The following PIAS2 variants were observed in gnomAD, a reference collection of about 807,000 sequenced individuals.
PIAS2 encodes protein inhibitor of activated STAT 2, also known as E3 SUMO-protein ligase PIAS2.
A neutral mutation model predicts 69.7 loss-of-function variants in PIAS2; 19 were observed. That is an observed-to-expected ratio of 0.27 (90% CI 0.19 to 0.40). The LOEUF is 0.40. PIAS2 is among the 10% of genes least tolerant of loss of function. The pLI, the probability that PIAS2 is intolerant of heterozygous loss-of-function variation, is 1.00. For synonymous variants in PIAS2, 261 were observed against 263.2 expected, an observed-to-expected ratio of 0.99 and a Z score of 0.08; for missense variants, 624 against 757.0, an observed-to-expected ratio of 0.82 and a Z score of 2.06.
Position 46,855,318 on chromosome 18 carries a change from A to C in PIAS2, c.726+27T>G, listed in dbSNP as rs777574590. 2.8e-6 allele frequency: 4 copies of C among 1,433,472 alleles called. No homozygotes were observed. In the Admixed American group the frequency reaches 7.4e-5, roughly 26 times the overall value. The allele number at this position is 1,433,472 out of a possible 1,614,324, so 88.8% of individuals were successfully genotyped here. On this transcript the variant is annotated intron_variant, in intron 5 of 13. Transcript: ENST00000585916. ...CAGTGTTTATATTAAACTTATATGC[A>C]AATCTGGTGAATAAAAAGCAACTTA...
intron 8 of PIAS2, among the ~76,000 whole-genome samples, chr18:46,840,609 C>A (rs1471995666): frequency 6.6e-6 from 1 of 152,020 alleles, no homozygotes; most frequent in Middle Eastern, 3.2e-3. Context: ...AGTTGCTGAC[C>A]CTAAATTTAA....
chr18:46,829,862 A>G lies in PIAS2; in HGVS notation c.1208T>C (p.Phe403Ser). The change falls in exon 10 of 14, where the codon TTT becomes TCT. Residue 403 changes from phenylalanine (F) to serine (S), a missense_variant. Phe to Ser is a radical substitution (Grantham distance 155, BLOSUM62 -2). Transcript: ENST00000585916. ...AGAACAGTCATTGAGAATTTCCATA[A>G]AAAGCCTAAAAAACAATTAAGAAGT... Reference protein sequence around the residue: ...AYESLILDGLFMEILNDCSDV... With the variant: ...AYESLILDGLSMEILNDCSDV... The G allele has an allele frequency of 1.9e-6, 3 of 1,610,548 alleles. No homozygotes were observed. The highest frequency in any genetic ancestry group is 2.5e-6 in the Non-Finnish European group (3 of 1,178,786).
At chr18:46,827,870 T>C in intron 11 of PIAS2, 89 bp downstream of exon 11, 3 of 1,145,204 alleles carry the variant, frequency 2.6e-6, no homozygotes, top group Admixed American at 2.2e-5. Flanking sequence ...TCTACAGTTA[T>C]GCCATTTCCC....
chr18:46,901,454 G>A (rs1421577323), intron 1 of PIAS2, among the ~76,000 whole-genome samples: 1 of 152,088 alleles, frequency 6.6e-6, no homozygotes, highest in African/African-American at 2.4e-5. Flanking sequence ...GAATATAGAC[G>A]TTAAAACCCT....
At chr18:46,842,457 T>C (rs1046168728) in intron 8 of PIAS2, among the ~76,000 whole-genome samples, 1 of 152,114 alleles carries the variant, frequency 6.6e-6, no homozygotes, top group African/African-American at 2.4e-5. Context: ...GTAGACTTTC[T>C]TCCTGATACA....
chr18:46,918,033 C>T (rs1236536087), upstream of PIAS2: 2 of 151,852 alleles, frequency 1.3e-5, no homozygotes, highest in Non-Finnish European at 2.9e-5. Flanking sequence ...TGAAGGGCAC[C>T]TGAAGGTCAC....
chr18:46,834,898 C>T (rs1407169134), intron 9 of PIAS2, among the ~76,000 whole-genome samples: 1 of 152,228 alleles, frequency 6.6e-6, no homozygotes, highest in Non-Finnish European at 1.5e-5. Flanking sequence ...AAATAGCTTA[C>T]TCCTCCTGGG....
In PIAS2 at chr18:46,810,957, C is replaced by T. The variant is rs1406690957; in HGVS notation, c.*1476G>A. The T allele has an allele frequency of 6.6e-6, 1 of 152,040 alleles. No individual in the cohort carries two copies. The highest frequency in any genetic ancestry group is 2.4e-5 in the African/African-American group (1 of 41,414). The allele number at this position is 152,040 out of a possible 1,614,324, so 9.4% of individuals were successfully genotyped here. ...AAGCTAAACAGAAAAGTACCAAATC[C>T]TTGTGAACTCAAAAATGATTTAGGA... On this transcript the variant is annotated 3_prime_UTR_variant, in exon 14 of 14. Coordinates refer to ENST00000585916, the MANE Select transcript of PIAS2 (RefSeq NM_004671.5).
chr18:46,880,388 A>AAAAC lies in PIAS2; in HGVS notation c.499+10191_499+10192insGTTT, dbSNP rs1568692207. ...AGAGACAGAGAGACCCTGTCTCAAA[A>AAAAC]AAAACAAAACAAAACAAAACAACTG... On this transcript the variant is annotated intron_variant, in intron 2 of 13. Coordinates refer to ENST00000585916, the MANE Select transcript of PIAS2 (RefSeq NM_004671.5). 1.8e-3 allele frequency among the ~76,000 whole-genome samples: 275 copies of AAAAC among 152,218 alleles called. 1 individual carries two copies. The highest frequency in any genetic ancestry group is 6.3e-3 in the African/African-American group (262 of 41,510).
chr18:46,813,834 G>A (rs1224230765), intron 13 of PIAS2, among the ~76,000 whole-genome samples: 3 of 152,170 alleles, frequency 2.0e-5, no homozygotes, highest in Admixed American at 6.5e-5. Flanking sequence ...GCCACATACA[G>A]AGTCAAGGGA....
At position 46,811,742 on chromosome 18, in the gene PIAS2, G is replaced by A. The variant is rs1396481979; in HGVS notation, c.*691C>T. 1 of 152,180 alleles carries A rather than the reference G, an allele frequency of 6.6e-6. No individual in the cohort carries two copies. Among genetic ancestry groups the A allele is most frequent in the Non-Finnish European group, 1.5e-5 (1 of 68,032 alleles). The allele number at this position is 152,180 out of a possible 1,614,324, so 9.4% of individuals were successfully genotyped here. A position where few individuals can be genotyped will look rare whatever the true frequency, so the allele number is the denominator to read the frequency against. ...GCTTTTAAACATAATCACCAATGAA[G>A]AGTAGCCAAATCCCAGAACTTCACA... On this transcript the variant is annotated 3_prime_UTR_variant, in exon 14 of 14. Coordinates refer to ENST00000585916, the MANE Select transcript of PIAS2 (RefSeq NM_004671.5).
chr18:46,824,444 C>T (rs1040348791), intron 11 of PIAS2, among the ~76,000 whole-genome samples: 6 of 152,060 alleles, frequency 3.9e-5, no homozygotes, highest in African/African-American at 1.4e-4. Flanking sequence ...TCAGAAGGGG[C>T]ACAATATGTA....
intron 12 of PIAS2, 131 bp downstream of exon 12, chr18:46,820,802 C>G (rs1330315559): frequency 2.8e-6 from 2 of 709,156 alleles, no homozygotes; most frequent in African/African-American, 3.6e-5. Flanking sequence ...CAGATAAGAC[C>G]TTTACCCGAA....
Position 46,827,978 on chromosome 18 carries a change from G to C in PIAS2, c.1489C>G (p.Gln497Glu). 1 of 1,613,742 alleles carries C rather than the reference G, an allele frequency of 6.2e-7. No individual in the cohort carries two copies. Among genetic ancestry groups the C allele is most frequent in the South Asian group, 1.1e-5 (1 of 91,058 alleles). The change falls in exon 11 of 14, where the codon CAA becomes GAA. Residue 497 changes from glutamine (Q) to glutamate (E), a missense_variant. Gln to Glu is a conservative substitution (Grantham distance 29). Coordinates refer to ENST00000585916, the MANE Select transcript of PIAS2 (RefSeq NM_004671.5). ...ACAAACCCTTTGGTTGGGCTGCTTTGTGTTTCTGACATAAAGATGCATTTC... is the reference window on the plus strand; with the variant it reads ...ACAAACCCTTTGGTTGGGCTGCTTTCTGTTTCTGACATAAAGATGCATTTC... ...KRKCIFMSET[Q>E]SSPTKGVLMY...
chr18:46,896,165 C>CAAAAAAAAAA (rs1199712335), intron 1 of PIAS2, among the ~76,000 whole-genome samples: 2 of 31,952 alleles, frequency 6.3e-5, no homozygotes, highest in African/African-American at 1.2e-4. Context: ...AAGAAAAAAG[C>CAAAAAAAAAA]AAAAAAAAAA....
chr18:46,887,034 C>T (rs765625752), intron 2 of PIAS2, among the ~76,000 whole-genome samples: 7 of 152,116 alleles, frequency 4.6e-5, no homozygotes. Context: ...GGAATTTAAA[C>T]TGGCACTAAA....
chr18:46,816,367 G>C, intron 12 of PIAS2: 1 of 969,716 alleles, frequency 1.0e-6, no homozygotes, highest in Non-Finnish European at 1.2e-6. Context: ...TCCAAATAAG[G>C]GTATTACAAA....
At chr18:46,813,638 G>A (rs1481805868) in intron 13 of PIAS2, among the ~76,000 whole-genome samples, 2 of 152,168 alleles carry the variant, frequency 1.3e-5, no homozygotes, top group African/African-American at 2.4e-5. Flanking sequence ...TATGGAACAG[G>A]AATTTAAGTC....
At chr18:46,827,906 A>C in intron 11 of PIAS2, 53 bp downstream of exon 11, 2 of 1,461,194 alleles carry the variant, frequency 1.4e-6, no homozygotes, top group Non-Finnish European at 1.9e-6. Context: ...AATCTATCCA[A>C]GAGCAATTAG....
Sources: gnomAD v4.1 joint callset for allele counts (sites outside exome capture counted in the v4.1 genomes callset) on GRCh38, gnomAD v4.1.1 for gene constraint, MANE v1.5 for transcripts, NCBI Gene and HGNC (gene_info 2026-07-23, HGNC 2026-07-21) for gene names.